SCAF8: variants seen among roughly 807,000 people sequenced by gnomAD.
SCAF8 encodes SR-related CTD associated factor 8.
A neutral mutation model predicts 140.5 loss-of-function variants in SCAF8; 23 were observed. The ratio of observed to expected loss-of-function variants is 0.16; its 90% CI spans 0.12 to 0.23. The LOEUF is 0.23. SCAF8 is among the 10% of genes least tolerant of loss of function. The pLI, the probability that SCAF8 is intolerant of heterozygous loss-of-function variation, is 1.00. For synonymous variants in SCAF8, 575 were observed against 528.9 expected, an observed-to-expected ratio of 1.09 and a Z score of -1.20; for missense variants, 1,397 against 1,555.7, an observed-to-expected ratio of 0.90 and a Z score of 1.72.
chr6:154,770,388 A>ACACACACACT (rs1384942827), intron 1 of SCAF8, among the ~76,000 whole-genome samples: 8 of 141,914 alleles, frequency 5.6e-5, no homozygotes, highest in African/African-American at 1.8e-4. Flanking sequence ...ACACACACAC[A>ACACACACACT]CTCTCTCTCT....
intron 13 of SCAF8, among the ~76,000 whole-genome samples, chr6:154,817,921 C>T (rs1391082652): frequency 6.6e-6 from 1 of 151,980 alleles, no homozygotes; most frequent in East Asian, 1.9e-4. Flanking sequence ...TAAAACTTTG[C>T]CAGAAGCACT....
chr6:154,794,769 GGGGTGT>G lies in SCAF8; in HGVS notation c.476-236_476-231del, dbSNP rs1777539837. Among the ~76,000 whole-genome samples the G allele has an allele frequency of 1.2e-4, 10 of 83,548 alleles. 1 individual carries two copies. The highest frequency in any genetic ancestry group is 3.2e-4 in the East Asian group (1 of 3,082). The allele number at this position is 83,548 out of a possible 152,430, so 54.8% of individuals were successfully genotyped here. ...GACAGATCCTTTTGGTGGGGGGGGG[GGGGTGT>G]GGGGGGTGTGTGTGTGTGTGTGTGT... On this transcript the variant is annotated intron_variant, in intron 5 of 19. Coordinates refer to ENST00000367178, the MANE Select transcript of SCAF8 (RefSeq NM_014892.5).
At chr6:154,776,297 GTATATATATATA>G (rs763251453) in intron 2 of SCAF8, among the ~76,000 whole-genome samples, 6 of 43,214 alleles carry the variant, frequency 1.4e-4, no homozygotes, top group Admixed American at 8.0e-4. Context: ...GTGTATATAT[GTATATATATATA>G]TGTATATATA....
intron 9 of SCAF8, 63 bp from the exon 10 acceptor site, chr6:154,808,007 A>T: frequency 2.1e-6 from 3 of 1,446,594 alleles, no homozygotes; most frequent in Non-Finnish European, 2.8e-6. Flanking sequence ...TGCTGTGTTT[A>T]CATTTTCATT....
intron 6 of SCAF8, among the ~76,000 whole-genome samples, chr6:154,796,071 T>C (rs908886558): frequency 1.3e-5 from 2 of 152,156 alleles, no homozygotes; most frequent in Non-Finnish European, 2.9e-5. Flanking sequence ...TACTTACATA[T>C]AGTTTTCTTA....
At chr6:154,815,849 A>G in intron 13 of SCAF8, 33 bp downstream of exon 13, 1 of 1,388,334 alleles carries the variant, frequency 7.2e-7, no homozygotes, top group Non-Finnish European at 1.0e-6. Flanking sequence ...TTAAGGTTTT[A>G]AAAAAGGAGG....
intron 1 of SCAF8, among the ~76,000 whole-genome samples, chr6:154,752,513 G>A (rs1778863317): frequency 1.3e-5 from 2 of 151,752 alleles, no homozygotes; most frequent in Admixed American, 6.6e-5. Context: ...TATTTAAGAG[G>A]CTGCAACTGC....
intron 18 of SCAF8, among the ~76,000 whole-genome samples, chr6:154,828,058 T>C (rs1778621556): frequency 6.6e-6 from 1 of 152,184 alleles, no homozygotes; most frequent in Non-Finnish European, 1.5e-5. Flanking sequence ...TTTGATTCAC[T>C]CTTGGTGTTT....
chr6:154,813,036 C>T lies in SCAF8; in HGVS notation c.1421-2680C>T, dbSNP rs549818421. Among the ~76,000 whole-genome samples, 441 of 95,970 alleles carry T rather than the reference C, an allele frequency of 4.6e-3. 4 individuals are homozygous for T. Among genetic ancestry groups the T allele is most frequent in the African/African-American group, 0.029 (424 of 14,706 alleles). The allele number at this position is 95,970 out of a possible 152,430, so 63.0% of individuals were successfully genotyped here. A position where few individuals can be genotyped will look rare whatever the true frequency, so the allele number is the denominator to read the frequency against. On this transcript the variant is annotated intron_variant, in intron 12 of 19. Coordinates refer to ENST00000367178, the MANE Select transcript of SCAF8 (RefSeq NM_014892.5). ...CAACAAAGTGAGATGCCATCACTAC[C>T]GCCAAAAAAAAAAAAAAAATTAGTT...
intron 18 of SCAF8, among the ~76,000 whole-genome samples, chr6:154,828,813 A>G (rs1778644741): frequency 6.6e-6 from 1 of 152,232 alleles, no homozygotes; most frequent in Middle Eastern, 3.2e-3. Context: ...AAAAAAATGA[A>G]TATGAAGTAT....
At chr6:154,795,699 A>G (rs1777581028) in intron 6 of SCAF8, among the ~76,000 whole-genome samples, 1 of 152,186 alleles carries the variant, frequency 6.6e-6, no homozygotes, top group Non-Finnish European at 1.5e-5. Flanking sequence ...GTGGGAAGCA[A>G]TGTGGTGTAT....
intron 13 of SCAF8, among the ~76,000 whole-genome samples, chr6:154,817,998 T>C (rs1778300940): frequency 6.6e-6 from 1 of 152,192 alleles, no homozygotes; most frequent in Admixed American, 6.5e-5. Flanking sequence ...ATGGATTTTA[T>C]ATTAAGGATA....
At chr6:154,735,417 A>G (rs1262325111) in intron 1 of SCAF8, among the ~76,000 whole-genome samples, 1 of 152,174 alleles carries the variant, frequency 6.6e-6, no homozygotes, top group Admixed American at 6.5e-5. Context: ...GCTATTTTCA[A>G]TAGCAGTGAT....
chr6:154,832,181 C>A lies in SCAF8; in HGVS notation c.2602C>A (p.Leu868Ile). 1.2e-6 allele frequency: 2 copies of A among 1,614,084 alleles called. No individual in the cohort carries two copies. Among genetic ancestry groups the A allele is most frequent in the African/African-American group, 1.3e-5 (1 of 75,014 alleles). Reference protein sequence around the residue: ...QPPSVSNSSGLLGVLPPNIPN... With the variant: ...QPPSVSNSSGILGVLPPNIPN... ...ACCCAGTGTGTCAAATAGTTCTGGA[C>A]TTTTGGGAGTGCTACCCCCAAATAT... Residue 868 changes from leucine to isoleucine, a missense_variant, in exon 20 of 20, where the codon CTT (leucine) becomes ATT (isoleucine). This residue lies in a region of SCAF8 where 930 missense variants were observed against 874.6 expected (regional missense o/e 1.06). Transcript: ENST00000367178.
rs1778231513 is a variant in SCAF8 at position 154,815,818 on chromosome 6, C to T, written c.1521+2C>T. ...TTTGGACAGATTGAATCCATTAATGCAAGTATCAGTTCTTAATAATTTAAG... is the reference window on the plus strand; with the variant it reads ...TTTGGACAGATTGAATCCATTAATGTAAGTATCAGTTCTTAATAATTTAAG... On this transcript the variant is annotated splice_donor_variant, in intron 13 of 19. Transcript: ENST00000367178. LOFTEE classifies it low-confidence loss of function (GC_TO_GT_DONOR). 1.9e-6 allele frequency: 3 copies of T among 1,567,628 alleles called. No individual in the cohort carries two copies. Among genetic ancestry groups the T allele is most frequent in the African/African-American group, 1.4e-5 (1 of 74,000 alleles).
chr6:154,787,834 C>T (rs769560308), intron 3 of SCAF8, 27 bp from the exon 4 acceptor site: 4 of 1,569,636 alleles, frequency 2.5e-6, no homozygotes, highest in Admixed American at 3.7e-5. Context: ...CGTTTCCTTT[C>T]CTTTTCATTC....
intron 6 of SCAF8, among the ~76,000 whole-genome samples, chr6:154,798,514 C>G (rs1381599453): frequency 6.6e-6 from 1 of 151,336 alleles, no homozygotes; most frequent in Non-Finnish European, 1.5e-5. Context: ...TCCTTTCTTC[C>G]CTTTGTTCTT....
At chr6:154,797,520 C>G (rs1369733893) in intron 6 of SCAF8, among the ~76,000 whole-genome samples, 1 of 151,256 alleles carries the variant, frequency 6.6e-6, no homozygotes, top group Non-Finnish European at 1.5e-5. Flanking sequence ...CTCAGCCTCC[C>G]GAGTAGCTGG....
chr6:154,779,996 A>G (rs1777039703), intron 3 of SCAF8, among the ~76,000 whole-genome samples: 1 of 152,116 alleles, frequency 6.6e-6, no homozygotes, highest in South Asian at 2.1e-4. Flanking sequence ...TTCAGATTTT[A>G]ATTGTCTTAC....
Sources: gnomAD v4.1 joint callset for allele counts (sites outside exome capture counted in the v4.1 genomes callset) on GRCh38, gnomAD v4.1.1 for gene constraint, gnomAD v4.1.1 regional missense constraint, MANE v1.5 for transcripts, NCBI Gene and HGNC (gene_info 2026-07-23, HGNC 2026-07-21) for gene names.